The following GALNT13 variants were observed in gnomAD, a reference collection of about 807,000 sequenced individuals.
GALNT13 encodes polypeptide N-acetylgalactosaminyltransferase 13.
A neutral mutation model predicts 64.2 loss-of-function variants in GALNT13; 28 were observed. That is an observed-to-expected ratio of 0.44 (90% CI 0.32 to 0.60). GALNT13 has a LOEUF of 0.60. Among genes scored for constraint, GALNT13 ranks in the 20% least tolerant of loss-of-function variants. The pLI is 0.05. For synonymous variants in GALNT13, 214 were observed against 224.6 expected (o/e 0.95, Z 0.42); for missense variants, 577 against 669.8 (o/e 0.86, Z 1.53).
the GALNT13 span, among the ~76,000 whole-genome samples, chr2:153,854,950 A>C: frequency 6.6e-6 from 1 of 152,160 alleles, no homozygotes; most frequent in African/African-American, 2.4e-5. Context: ...TGTAGCAAGC[A>C]TAGAAAGTTG....
chr2:153,320,125 T>C, the GALNT13 span, among the ~76,000 whole-genome samples: 2 of 152,216 alleles, frequency 1.3e-5, no homozygotes. Context: ...TCTTTAAAGC[T>C]CCACAGGTGA....
rs115220255 is a variant in GALNT13, at chr2:154,350,561, C to T, written c.1157-45430C>T. Among the ~76,000 whole-genome samples, 1,181 of 152,266 alleles carry T rather than the reference C, an allele frequency of 7.8e-3. 13 individuals carry two copies. Among genetic ancestry groups the T allele is most frequent in the African/African-American group, 0.027 (1,123 of 41,552 alleles). ...GGGACTTGGACTGGCTTAGTTGATC[C>T]ACAGCTTGCAGACAGCCTATTGTGG... On this transcript the variant is annotated intron_variant, in intron 9 of 12. Coordinates refer to ENST00000392825, the MANE Select transcript of GALNT13 (RefSeq NM_052917.4).
intron 3 of GALNT13, among the ~76,000 whole-genome samples, chr2:154,112,775 G>A (rs924290755): frequency 3.9e-5 from 6 of 152,136 alleles, no homozygotes; most frequent in Non-Finnish European, 7.3e-5. Context: ...CCTGCATATC[G>A]TGCAGAACCA....
intron 3 of GALNT13, among the ~76,000 whole-genome samples, chr2:153,950,104 AAGTT>A (rs1173763336): frequency 6.6e-6 from 1 of 152,082 alleles, no homozygotes; most frequent in Non-Finnish European, 1.5e-5. Flanking sequence ...AAACTTGAGA[AAGTT>A]AGTTCATTCA....
At chr2:153,655,622 T>A in the GALNT13 span, among the ~76,000 whole-genome samples, 1 of 152,136 alleles carries the variant, frequency 6.6e-6, no homozygotes, top group Admixed American at 6.6e-5. Flanking sequence ...ATGAAACTCA[T>A]TCAGAATTAT....
chr2:154,007,901 C>T (rs1175001683), intron 3 of GALNT13, among the ~76,000 whole-genome samples: 1 of 150,400 alleles, frequency 6.6e-6, no homozygotes. Context: ...CTTGATGACA[C>T]ATTAGGAAAT....
chr2:153,696,670 C>G, the GALNT13 span, among the ~76,000 whole-genome samples: 1 of 152,146 alleles, frequency 6.6e-6, no homozygotes, highest in African/African-American at 2.4e-5. Flanking sequence ...TCTCTCTCTT[C>G]TCTATCAATC....
the GALNT13 span, among the ~76,000 whole-genome samples, chr2:153,700,879 G>A: frequency 6.6e-6 from 1 of 151,976 alleles, no homozygotes; most frequent in Non-Finnish European, 1.5e-5. Flanking sequence ...CATCCTCATG[G>A]GTAGGAAGAA....
chr2:154,456,510 C>T (rs1702034330), downstream of GALNT13, among the ~76,000 whole-genome samples: 1 of 151,908 alleles, frequency 6.6e-6, no homozygotes, highest in Admixed American at 6.6e-5. Context: ...TGCTTAACCT[C>T]CATGTTTGTG....
chr2:153,355,017 T>C, the GALNT13 span, among the ~76,000 whole-genome samples: 3 of 152,264 alleles, frequency 2.0e-5, no homozygotes, highest in African/African-American at 7.2e-5. Flanking sequence ...ATTTCTCAAT[T>C]CCCAATCTAG....
the GALNT13 span, among the ~76,000 whole-genome samples, chr2:153,310,965 T>A: frequency 9.9e-5 from 15 of 152,258 alleles, no homozygotes; most frequent in Middle Eastern, 3.4e-3. Flanking sequence ...GGCAGAAGAG[T>A]GCTGGAAGAA....
At chr2:154,079,437 A>G (rs1701157103) in intron 3 of GALNT13, among the ~76,000 whole-genome samples, 2 of 151,586 alleles carry the variant, frequency 1.3e-5, no homozygotes, top group African/African-American at 2.4e-5. Flanking sequence ...TTGATAAAAA[A>G]TATATATATT....
chr2:154,228,481 T>C (rs1688745600), intron 4 of GALNT13, among the ~76,000 whole-genome samples: 1 of 152,170 alleles, frequency 6.6e-6, no homozygotes. Flanking sequence ...GACTGTGATC[T>C]ATTTCTGAAA....
chr2:153,138,931 A>C, the GALNT13 span, among the ~76,000 whole-genome samples: 1 of 152,060 alleles, frequency 6.6e-6, no homozygotes, highest in Non-Finnish European at 1.5e-5. Context: ...TTCTCTTTGC[A>C]TATCCAATTT....
rs1472868561 is a variant in GALNT13 at position 154,357,094 on chromosome 2, C to CT, written c.1157-38893dup. ...AACTAGAAGATCTATCTTCTAATTG[C>CT]TTTTGTACCTCCTGCTTGCAATATA... On this transcript the variant is annotated intron_variant, in intron 9 of 12. Transcript: ENST00000392825. 2.0e-5 allele frequency among the ~76,000 whole-genome samples: 3 copies of CT among 151,908 alleles called. No individual in the cohort carries two copies. The East Asian group carries it at 5.8e-4, about 29-fold the overall frequency.
At chr2:153,838,054 A>G in the GALNT13 span, among the ~76,000 whole-genome samples, 1 of 152,004 alleles carries the variant, frequency 6.6e-6, no homozygotes, top group African/African-American at 2.4e-5. Context: ...GGACATTTGT[A>G]TATCTTCTTT....
At chr2:153,901,421 C>G (rs75513722) in intron 2 of GALNT13, among the ~76,000 whole-genome samples, 11,843 of 152,124 alleles carry the variant, frequency 0.078, 774 homozygotes, top group African/African-American at 0.17. Context: ...ACGTCATGAC[C>G]ATTTTATCAA....
chr2:153,376,087 C>T, the GALNT13 span, among the ~76,000 whole-genome samples: 9 of 152,180 alleles, frequency 5.9e-5, no homozygotes, highest in African/African-American at 1.7e-4. Flanking sequence ...GTCCCTATGA[C>T]CCAAACACCC....
chr2:153,488,549 A>C, the GALNT13 span, among the ~76,000 whole-genome samples: 2 of 152,172 alleles, frequency 1.3e-5, no homozygotes, highest in African/African-American at 4.8e-5. Flanking sequence ...GTGGGTCTTG[A>C]ATCTCGCTGA....
Sources: gnomAD v4.1 joint callset for allele counts (sites outside exome capture counted in the v4.1 genomes callset) on GRCh38, gnomAD v4.1.1 for gene constraint, MANE v1.5 for transcripts, NCBI Gene and HGNC (gene_info 2026-07-23, HGNC 2026-07-21) for gene names.